The following CADM2 variants were observed in gnomAD, a reference collection of about 807,000 sequenced individuals.
CADM2 encodes the protein cell adhesion molecule 2, also known as immunoglobulin superfamily member 4D.
A neutral mutation model predicts 49.8 loss-of-function variants in CADM2; 12 were observed. The observed-to-expected ratio is 0.24, with a 90% CI of 0.15 to 0.39. The LOEUF (loss-of-function observed/expected upper bound fraction) is 0.39. CADM2 is among the 10% of genes least tolerant of loss of function. The pLI, the probability that CADM2 is intolerant of heterozygous loss-of-function variation, is 1.00. For synonymous variants in CADM2, 214 were observed against 175.4 expected, an observed-to-expected ratio of 1.22 and a Z score of -1.74; for missense variants, 378 against 492.3, an observed-to-expected ratio of 0.77 and a Z score of 2.20.
chr3:85,858,577 G>A (rs928849719), intron 3 of CADM2, among the ~76,000 whole-genome samples: 6 of 152,178 alleles, frequency 3.9e-5, no homozygotes, highest in Non-Finnish European at 5.9e-5. Flanking sequence ...TATACTGCCC[G>A]GAGGAAGCCC....
chr3:85,786,088 A>G (rs1040611035), intron 2 of CADM2, among the ~76,000 whole-genome samples: 2 of 152,074 alleles, frequency 1.3e-5, no homozygotes, highest in South Asian at 2.1e-4. Context: ...TTTGCTGTGA[A>G]TGTATTTTTT....
rs542446557 is a variant in CADM2, at chr3:85,894,795, G to C, written c.529+8468G>C. The stretch of plus-strand genomic sequence containing the variant: ...ACTTACAGCTCAGGATGCTGCTTCA[G>C]AGGGTGCAAGTCCCAAGCCTTAGTG... On this transcript the variant is annotated intron_variant, in intron 5 of 9. Transcript: ENST00000383699. Among the ~76,000 whole-genome samples, 13 of 152,336 alleles carry C rather than the reference G, an allele frequency of 8.5e-5. No individual in the cohort carries two copies. In the East Asian group the frequency reaches 1.5e-3, roughly 18 times the overall value.
At chr3:86,040,029 G>T (rs1264681109) in intron 8 of CADM2, among the ~76,000 whole-genome samples, 1 of 152,142 alleles carries the variant, frequency 6.6e-6, no homozygotes, top group Non-Finnish European at 1.5e-5. Flanking sequence ...GGTCCTGACT[G>T]TTAGAAGGAA....
intron 5 of CADM2, 78 bp from the exon 6 acceptor site, chr3:85,912,295 G>C (rs187542724): frequency 3.9e-6 from 4 of 1,030,898 alleles, no homozygotes; most frequent in Admixed American, 5.8e-5. Flanking sequence ...GGGAGAAGCT[G>C]TTTCCATTAT....
intron 1 of CADM2, among the ~76,000 whole-genome samples, chr3:85,226,028 T>G (rs1295226809): frequency 6.6e-6 from 1 of 152,226 alleles, no homozygotes; most frequent in Non-Finnish European, 1.5e-5. Flanking sequence ...GATTTTCACA[T>G]CAATCTTCAT....
chr3:85,813,776 C>T (rs1201095017), intron 3 of CADM2, among the ~76,000 whole-genome samples: 1 of 151,920 alleles, frequency 6.6e-6, no homozygotes, highest in Non-Finnish European at 1.5e-5. Context: ...GTTTTCCCAA[C>T]ACCATTTATT....
chr3:85,874,854 T>C (rs2108363761), intron 3 of CADM2, among the ~76,000 whole-genome samples: 1 of 152,274 alleles, frequency 6.6e-6, no homozygotes, highest in East Asian at 1.9e-4. Flanking sequence ...TGAAAATGGG[T>C]ATTAGAATTT....
chr3:85,477,834 C>T (rs950242409), intron 1 of CADM2, among the ~76,000 whole-genome samples: 6 of 151,894 alleles, frequency 4.0e-5, no homozygotes, highest in African/African-American at 1.4e-4. Flanking sequence ...GAAACTCCAT[C>T]TGGCTGTATC....
chr3:86,066,064 C>T (rs1014198515), intron 9 of CADM2, among the ~76,000 whole-genome samples: 2 of 151,938 alleles, frequency 1.3e-5, no homozygotes, highest in Admixed American at 1.3e-4. Flanking sequence ...AGTTTGTGAA[C>T]ATCTGTGTAG....
At chr3:85,859,108 C>CCCATGATGAAAAA (rs2075421499) in intron 3 of CADM2, among the ~76,000 whole-genome samples, 1 of 151,536 alleles carries the variant, frequency 6.6e-6, no homozygotes, top group African/African-American at 2.4e-5. Context: ...AAGTAATAAA[C>CCCATGATGAAAAA]GTTATTCACA....
At chr3:84,963,822 T>C (rs1303794435) in intron 1 of CADM2, among the ~76,000 whole-genome samples, 2 of 152,182 alleles carry the variant, frequency 1.3e-5, no homozygotes, top group Non-Finnish European at 2.9e-5. Flanking sequence ...ATTTTACCTT[T>C]ACATGTGTTA....
At chr3:85,137,269 AAGAAACTTTATTTTAT>A (rs2039440969) in intron 1 of CADM2, among the ~76,000 whole-genome samples, 1 of 152,024 alleles carries the variant, frequency 6.6e-6, no homozygotes, top group Non-Finnish European at 1.5e-5. Context: ...AACAGTTATA[AAGAAACTTTATTTTAT>A]AAGACTTTGT....
intron 1 of CADM2, among the ~76,000 whole-genome samples, chr3:85,066,355 A>G (rs2036529115): frequency 6.7e-6 from 1 of 150,170 alleles, no homozygotes; most frequent in Non-Finnish European, 1.5e-5. Flanking sequence ...TTCCCCAACT[A>G]GGGGTAAAAT....
At chr3:85,180,650 A>T (rs906609318) in intron 1 of CADM2, among the ~76,000 whole-genome samples, 1 of 152,044 alleles carries the variant, frequency 6.6e-6, no homozygotes, top group Non-Finnish European at 1.5e-5. Flanking sequence ...TCTATAATTC[A>T]CAAAGTTCTG....
At chr3:85,465,572 A>T (rs532890961) in intron 1 of CADM2, among the ~76,000 whole-genome samples, 276 of 152,220 alleles carry the variant, frequency 1.8e-3, no homozygotes, top group African/African-American at 6.3e-3. Context: ...AAATTATTAG[A>T]TATTTTATAT....
At chr3:85,391,137 C>A (rs920621021) in intron 1 of CADM2, among the ~76,000 whole-genome samples, 1 of 151,992 alleles carries the variant, frequency 6.6e-6, no homozygotes, top group Non-Finnish European at 1.5e-5. Context: ...GTTTGCCAGT[C>A]GTTTACTTCT....
In CADM2 at chr3:85,037,562, A is replaced by G. The variant is rs572781697; in HGVS notation, c.61+77894A>G. ...TCAAATGATCTCTGCAATGCCTTCTATCTTTACAGCAGCATGGAGGGTGGG... is the reference window on the plus strand; with the variant it reads ...TCAAATGATCTCTGCAATGCCTTCTGTCTTTACAGCAGCATGGAGGGTGGG... On this transcript the variant is annotated intron_variant, in intron 1 of 9. Transcript: ENST00000383699. Among the ~76,000 whole-genome samples, 13 of 152,312 alleles carry G rather than the reference A, an allele frequency of 8.5e-5. 1 individual carries two copies. The South Asian group carries it at 2.7e-3, about 32-fold the overall frequency.
intron 1 of CADM2, among the ~76,000 whole-genome samples, chr3:85,328,679 GAAATTTGATCCTTGAACATCT>G (rs1282146918): frequency 2.0e-5 from 3 of 152,132 alleles, no homozygotes; most frequent in South Asian, 4.1e-4. Context: ...ATCACCAAGT[GAAATTTGATCCTTGAACATCT>G]AAATCAATGA....
At chr3:85,503,673 C>A (rs1461060417) in intron 1 of CADM2, among the ~76,000 whole-genome samples, 1 of 152,100 alleles carries the variant, frequency 6.6e-6, no homozygotes, top group Non-Finnish European at 1.5e-5. Flanking sequence ...GTTAATGAGA[C>A]CAAACGATCA....
Sources: allele counts gnomAD v4.1 joint callset (sites outside exome capture counted in the v4.1 genomes callset), GRCh38; gene constraint gnomAD v4.1.1; transcripts MANE v1.5; gene names NCBI Gene and HGNC (gene_info 2026-07-23, HGNC 2026-07-21).